TBL1Y: variants seen among roughly 807,000 people sequenced by gnomAD.
TBL1Y encodes the protein transducin beta like 1 Y-linked.
Under a neutral mutation model 12.0 loss-of-function variants are expected in TBL1Y, and 15 were observed. The ratio of observed to expected loss-of-function variants is 1.25; its 90% CI spans 0.83 to 1.92. TBL1Y has a LOEUF of 1.92. Among genes scored for constraint, TBL1Y ranks in the 40% most tolerant of loss-of-function variants. The pLI is 0.00. For missense variants in TBL1Y, 148 were observed against 116.7 expected, an observed-to-expected ratio of 1.27 and a Z score of -1.24; for synonymous variants, 53 against 42.6, an observed-to-expected ratio of 1.24 and a Z score of -0.95.
At chrY:6,989,779 C>A in intron 3 of TBL1Y, among the ~76,000 whole-genome samples, 1 of 34,064 alleles carries the variant, frequency 2.9e-5, no homozygotes, top group African/African-American at 1.2e-4. Context: ...TCTCTTCTTC[C>A]CTCTGCGACT....
chrY:7,016,378 C>T (rs755810867), intron 4 of TBL1Y, among the ~76,000 whole-genome samples: 1 of 32,461 alleles, frequency 3.1e-5, no homozygotes, highest in Non-Finnish European at 7.5e-5. Flanking sequence ...CAACAGCGGG[C>T]ACTGTCAATC....
intron 4 of TBL1Y, among the ~76,000 whole-genome samples, chrY:7,020,512 G>A (rs2012576676): frequency 6.1e-5 from 2 of 32,970 alleles, no homozygotes; most frequent in Non-Finnish European, 1.5e-4. Flanking sequence ...CCTGGGAGGC[G>A]GAGGTTGCAG....
intron 2 of TBL1Y, among the ~76,000 whole-genome samples, chrY:6,915,970 A>G: frequency 2.9e-5 from 1 of 34,077 alleles, no homozygotes; most frequent in African/African-American, 1.1e-4. Context: ...AAAAGCTAGT[A>G]TGCTACATCC....
intron 2 of TBL1Y, among the ~76,000 whole-genome samples, chrY:6,974,990 G>T (rs760544727): frequency 3.0e-5 from 1 of 33,488 alleles, no homozygotes; most frequent in East Asian, 7.7e-4. Context: ...GCTGCAGCGA[G>T]GTCTGTACAC....
chrY:7,045,694 G>A, intron 7 of TBL1Y, among the ~76,000 whole-genome samples: 11 of 33,549 alleles, frequency 3.3e-4, no homozygotes, highest in Non-Finnish European at 1.5e-4. Flanking sequence ...GGAGGGAACT[G>A]TTGTTGCATG....
At chrY:7,045,775 G>C in intron 7 of TBL1Y, among the ~76,000 whole-genome samples, 1 of 33,389 alleles carries the variant, frequency 3.0e-5, no homozygotes, top group South Asian at 6.8e-4. Flanking sequence ...GGGAACTTCA[G>C]GGGGTGGATA....
chrY:6,971,697 G>A, intron 2 of TBL1Y, among the ~76,000 whole-genome samples: 1 of 33,138 alleles, frequency 3.0e-5, no homozygotes, highest in Admixed American at 2.8e-4. Context: ...CAACTTCTGC[G>A]TCCCATGTTC....
At chrY:7,004,990 C>T (rs763498317) in intron 4 of TBL1Y, among the ~76,000 whole-genome samples, 5 of 33,348 alleles carry the variant, frequency 1.5e-4, no homozygotes, top group Admixed American at 2.7e-4. Context: ...AGGGATAGTA[C>T]GTCATGATCC....
At chrY:7,083,338 G>A in intron 14 of TBL1Y, among the ~76,000 whole-genome samples, 1 of 34,047 alleles carries the variant, frequency 2.9e-5, no homozygotes, top group African/African-American at 1.1e-4. Context: ...CTTTATGTGA[G>A]TTTGGATGCA....
At chrY:6,963,357 G>A in intron 2 of TBL1Y, among the ~76,000 whole-genome samples, 1 of 33,031 alleles carries the variant, frequency 3.0e-5, no homozygotes, top group Non-Finnish European at 7.4e-5. Context: ...TATTCTCTGA[G>A]AGCTGACTAG....
intron 2 of TBL1Y, among the ~76,000 whole-genome samples, chrY:6,977,641 C>T: frequency 3.0e-5 from 1 of 33,158 alleles, no homozygotes; most frequent in Non-Finnish European, 7.4e-5. Context: ...AAAACATTTC[C>T]ACTCTTGGTA....
chrY:6,925,659 G>T (rs775986449), intron 2 of TBL1Y, among the ~76,000 whole-genome samples: 3 of 33,641 alleles, frequency 8.9e-5, no homozygotes, highest in Non-Finnish European at 1.5e-4. Context: ...CTTGTGATCT[G>T]CCCTCCTGGA....
chrY:6,950,516 T>C, intron 2 of TBL1Y, among the ~76,000 whole-genome samples: 1 of 33,554 alleles, frequency 3.0e-5, no homozygotes, highest in Non-Finnish European at 7.4e-5. Flanking sequence ...AAAAGTGTTA[T>C]TTTATTCTAA....
intron 2 of TBL1Y, among the ~76,000 whole-genome samples, chrY:6,968,438 T>C (rs2012185279): frequency 8.9e-5 from 3 of 33,843 alleles, no homozygotes; most frequent in African/African-American, 3.5e-4. Flanking sequence ...ATTCAAAAGG[T>C]TGAATTTCAT....
chrY:7,086,957 T>A, intron 16 of TBL1Y, among the ~76,000 whole-genome samples: 1 of 23,776 alleles, frequency 4.2e-5, no homozygotes, highest in African/African-American at 1.6e-4. Flanking sequence ...CTTATATATA[T>A]CTTATATATT....
chrY:7,009,815 C>T, intron 4 of TBL1Y, among the ~76,000 whole-genome samples: 4 of 32,393 alleles, frequency 1.2e-4, no homozygotes, highest in African/African-American at 3.6e-4. Flanking sequence ...GTGGGCGGAT[C>T]GCCTGAGGTC....
chrY:6,921,641 G>C (rs779893576), intron 2 of TBL1Y, among the ~76,000 whole-genome samples: 8 of 33,425 alleles, frequency 2.4e-4, no homozygotes, highest in Admixed American at 5.4e-4. Context: ...AATACCAGAG[G>C]AGGGAGAAGG....
At chrY:7,050,957 C>T in intron 7 of TBL1Y, among the ~76,000 whole-genome samples, 1 of 31,428 alleles carries the variant, frequency 3.2e-5, no homozygotes, top group Non-Finnish European at 7.6e-5. Context: ...GCAGACCAAA[C>T]CTAAATGTTC....
chrY:6,959,912 T>C (rs769127612), intron 2 of TBL1Y, among the ~76,000 whole-genome samples: 179 of 33,750 alleles, frequency 5.3e-3, no homozygotes, highest in Middle Eastern at 0.027. Context: ...CAATTTTTGA[T>C]CTGTTTGAGT....
Sources: allele counts gnomAD v4.1 joint callset (sites outside exome capture counted in the v4.1 genomes callset), GRCh38; gene constraint gnomAD v4.1.1; transcripts MANE v1.5; gene names NCBI Gene and HGNC (gene_info 2026-07-23, HGNC 2026-07-21).